Variants in GRP observed in about 807,000 individuals in gnomAD.
The protein encoded by GRP is gastrin releasing peptide, also known as gastrin-releasing peptide.
A neutral mutation model predicts 12.7 loss-of-function variants in GRP; 11 were observed. The ratio of observed to expected loss-of-function variants is 0.87; its 90% CI spans 0.55 to 1.44. The LOEUF is 1.44. Among genes scored for constraint, GRP ranks in the 40% most tolerant of loss-of-function variants. The pLI, the probability that GRP is intolerant of heterozygous loss-of-function variation, is 0.00. For missense variants in GRP, 212 were observed against 185.4 expected (o/e 1.14, Z -0.83); for synonymous variants, 84 against 77.7 (o/e 1.08, Z -0.43).
At position 59,220,298 on chromosome 18, in the gene GRP, G is replaced by A. The variant is rs1219799679; in HGVS notation, c.33G>A (p.Leu11=). The change falls in exon 1 of 3, where the codon CTG becomes CTA. Residue 11 remains leucine, a synonymous_variant. Transcript: ENST00000256857. ...GCCGTGAGCTCCCGCTGGTCCTGCTGGCGCTGGTCCTCTGCCTGGCGCCCC... is the reference window on the plus strand; with the variant it reads ...GCCGTGAGCTCCCGCTGGTCCTGCTAGCGCTGGTCCTCTGCCTGGCGCCCC... MRGRELPLVL[L]ALVLCLAPRG... The A allele has an allele frequency of 2.7e-6, 4 of 1,505,412 alleles. No homozygotes were observed. Among genetic ancestry groups the A allele is most frequent in the Admixed American group, 2.1e-5 (1 of 48,374 alleles). The allele number at this position is 1,505,412 out of a possible 1,614,324, so 93.3% of individuals were successfully genotyped here.
chr18:59,229,519 C>A (rs1375233511), intron 2 of GRP, among the ~76,000 whole-genome samples: 2 of 152,100 alleles, frequency 1.3e-5, no homozygotes, highest in African/African-American at 2.4e-5. Context: ...GAATCAAACC[C>A]CAGGCCCTGG....
chr18:59,228,353 T>G (rs2069976838), intron 2 of GRP, among the ~76,000 whole-genome samples: 1 of 152,196 alleles, frequency 6.6e-6, no homozygotes, highest in Non-Finnish European at 1.5e-5. Flanking sequence ...GAGGGAAACT[T>G]AATAACTTAG....
At chr18:59,220,692 AC>A (rs2069817706) in intron 1 of GRP, among the ~76,000 whole-genome samples, 1 of 151,956 alleles carries the variant, frequency 6.6e-6, no homozygotes, top group Non-Finnish European at 1.5e-5. Context: ...CCAACAGCCA[AC>A]CCCGGTGCAG....
At chr18:59,221,736 G>C (rs2069839165) in intron 1 of GRP, among the ~76,000 whole-genome samples, 1 of 152,190 alleles carries the variant, frequency 6.6e-6, no homozygotes, top group Non-Finnish European at 1.5e-5. Flanking sequence ...TTGGGGGAAG[G>C]AGTGGGACTG....
chr18:59,220,320 C>T lies in GRP; in HGVS notation c.55C>T (p.Pro19Ser). Residue 19 changes from proline to serine, a missense_variant, in exon 1 of 3, where the codon CCC becomes TCC. Transcript: ENST00000256857. ...GCTGGCGCTGGTCCTCTGCCTGGCG[C>T]CCCGGGGGCGAGCGGTCCCGCTGCC... ...VLLALVLCLA[P>S]RGRAVPLPAG... 1 of 1,499,618 alleles carries T rather than the reference C, an allele frequency of 6.7e-7. No homozygotes were observed. Among genetic ancestry groups the T allele is most frequent in the Non-Finnish European group, 8.9e-7 (1 of 1,128,146 alleles). The allele number at this position is 1,499,618 out of a possible 1,614,324, so 92.9% of individuals were successfully genotyped here.
intron 2 of GRP, among the ~76,000 whole-genome samples, chr18:59,226,379 A>T (rs1177514068): frequency 2.6e-5 from 4 of 152,232 alleles, no homozygotes. Context: ...GGCAACTGAA[A>T]ATGAGGTGAT....
intron 2 of GRP, among the ~76,000 whole-genome samples, chr18:59,226,730 G>GC (rs1172787007): frequency 6.6e-6 from 1 of 152,196 alleles, no homozygotes; most frequent in Non-Finnish European, 1.5e-5. Context: ...TGAAGGCCTT[G>GC]CTACTTGCTG....
intron 2 of GRP, among the ~76,000 whole-genome samples, chr18:59,227,490 T>A (rs2069962475): frequency 1.3e-5 from 2 of 152,142 alleles, no homozygotes; most frequent in Non-Finnish European, 1.5e-5. Flanking sequence ...TTTTTCATGG[T>A]CAGGTGCTTT....
intron 1 of GRP, among the ~76,000 whole-genome samples, chr18:59,221,753 T>C (rs1370473811): frequency 6.6e-6 from 1 of 152,180 alleles, no homozygotes. Flanking sequence ...ACTGGAACTG[T>C]TGCTTCCTCA....
At chr18:59,221,378 G>C (rs1279560013) in intron 1 of GRP, among the ~76,000 whole-genome samples, 1 of 152,124 alleles carries the variant, frequency 6.6e-6, no homozygotes, top group African/African-American at 2.4e-5. Context: ...GGCAGGAAGC[G>C]CCTGGCAGCC....
At chr18:59,226,686 G>A (rs914607454) in intron 2 of GRP, among the ~76,000 whole-genome samples, 1 of 152,154 alleles carries the variant, frequency 6.6e-6, no homozygotes, top group Non-Finnish European at 1.5e-5. Flanking sequence ...TTCCAGAAAT[G>A]GTCCTCATTG....
At chr18:59,221,737 A>T (rs1166890386) in intron 1 of GRP, among the ~76,000 whole-genome samples, 2 of 152,034 alleles carry the variant, frequency 1.3e-5, no homozygotes, top group African/African-American at 4.8e-5. Flanking sequence ...TGGGGGAAGG[A>T]GTGGGACTGG....
rs763145544 is a variant in GRP, at chr18:59,230,498, C to A, written c.*30C>A. 1.6e-6 allele frequency: 2 copies of A among 1,268,376 alleles called. No individual in the cohort carries two copies. The highest frequency in any genetic ancestry group is 2.3e-5 in the East Asian group (1 of 43,354). 78.6% of individuals were successfully genotyped at this position (1,268,376 alleles called of 1,614,324 possible). ...GATGGCCTCTCTCAAAAGAGAAAAACAAAACCCCTAAGAGACTGCGTTCTG... is the reference window on the plus strand; with the variant it reads ...GATGGCCTCTCTCAAAAGAGAAAAAAAAAACCCCTAAGAGACTGCGTTCTG... On this transcript the variant is annotated 3_prime_UTR_variant, in exon 3 of 3. Coordinates refer to ENST00000256857, the MANE Select transcript of GRP (RefSeq NM_002091.5).
At chr18:59,225,895 A>C (rs1477333810) in intron 2 of GRP, among the ~76,000 whole-genome samples, 161 bp downstream of exon 2, 1 of 152,182 alleles carries the variant, frequency 6.6e-6, no homozygotes, top group Non-Finnish European at 1.5e-5. Flanking sequence ...CAATTTCTAC[A>C]TTCTCTTCTT....
At chr18:59,227,069 T>TTCCTTTCTTTC (rs1568085087) in intron 2 of GRP, among the ~76,000 whole-genome samples, 4 of 107,200 alleles carry the variant, frequency 3.7e-5, no homozygotes, top group East Asian at 2.2e-4. Context: ...TTCTTTCTTT[T>TTCCTTTCTTTC]CTTTCCTTTC....
chr18:59,219,510 AAGG>A, upstream of GRP, among the ~76,000 whole-genome samples: 1 of 32,468 alleles, frequency 3.1e-5, no homozygotes, highest in Non-Finnish European at 5.6e-5. Context: ...AGAGGAGGGG[AAGG>A]GAGGGGAGAG....
At chr18:59,222,744 A>G (rs1348941150) in intron 1 of GRP, among the ~76,000 whole-genome samples, 9 of 152,216 alleles carry the variant, frequency 5.9e-5, no homozygotes, top group African/African-American at 2.2e-4. Context: ...TGGTAAGTAA[A>G]TTGCTTCTTC....
At chr18:59,228,984 G>C (rs1407630594) in intron 2 of GRP, among the ~76,000 whole-genome samples, 2 of 152,186 alleles carry the variant, frequency 1.3e-5, no homozygotes, top group African/African-American at 4.8e-5. Flanking sequence ...GGCTGTTATG[G>C]AAAGAAAGTA....
At chr18:59,222,566 G>A (rs1370696019) in intron 1 of GRP, among the ~76,000 whole-genome samples, 1 of 152,196 alleles carries the variant, frequency 6.6e-6, no homozygotes, top group Non-Finnish European at 1.5e-5. Context: ...TGGAATATGA[G>A]CATTGACAAG....
Sources: allele counts gnomAD v4.1 joint callset (sites outside exome capture counted in the v4.1 genomes callset), GRCh38; gene constraint gnomAD v4.1.1; transcripts MANE v1.5; gene names NCBI Gene and HGNC (gene_info 2026-07-23, HGNC 2026-07-21).